The following GABRG3 variants were observed in gnomAD, a reference collection of about 807,000 sequenced individuals.
GABRG3 encodes gamma-aminobutyric acid receptor subunit gamma-3.
GABRG3 carries 25 observed loss-of-function variants against 48.8 expected under a neutral mutation model. That is an observed-to-expected ratio of 0.51 (90% CI 0.37 to 0.72). The LOEUF is 0.72. Ranked by LOEUF, GABRG3 falls within the 30% of genes least tolerant of loss-of-function variation. GABRG3 has a pLI of 0.00. For missense variants in GABRG3, 394 were observed against 577.9 expected (o/e 0.68, Z 3.26); for synonymous variants, 227 against 217.6 (o/e 1.04, Z -0.38).
intron 6 of GABRG3, among the ~76,000 whole-genome samples, chr15:27,508,658 C>T (rs1298952730): frequency 6.6e-6 from 1 of 151,986 alleles, no homozygotes; most frequent in African/African-American, 2.4e-5. Context: ...TTGATTAGAT[C>T]TTCTGCCAAT....
chr15:27,420,212 A>G (rs1346288479), intron 5 of GABRG3, among the ~76,000 whole-genome samples: 1 of 152,220 alleles, frequency 6.6e-6, no homozygotes, highest in African/African-American at 2.4e-5. Context: ...GATTTCTCAA[A>G]CACAATGAAA....
At chr15:27,526,991 G>A (rs1259311722) in intron 7 of GABRG3, among the ~76,000 whole-genome samples, 6 of 152,190 alleles carry the variant, frequency 3.9e-5, no homozygotes, top group African/African-American at 7.2e-5. Flanking sequence ...TCAGCTCTGC[G>A]TGGAAGGCAA....
chr15:27,387,876 AG>A, intron 5 of GABRG3, among the ~76,000 whole-genome samples: 1 of 51,048 alleles, frequency 2.0e-5, no homozygotes, highest in Non-Finnish European at 3.7e-5. Flanking sequence ...GGAGGGAGGG[AG>A]GGAGGGGAAG....
intron 5 of GABRG3, among the ~76,000 whole-genome samples, chr15:27,351,795 G>A (rs145847386): frequency 0.011 from 1,599 of 150,356 alleles, 45 homozygotes; most frequent in East Asian, 0.064. Context: ...TATGGTGTCT[G>A]TATATATGAT....
At chr15:27,389,521 G>GAGTGT (rs1304713564) in intron 5 of GABRG3, among the ~76,000 whole-genome samples, 5 of 152,194 alleles carry the variant, frequency 3.3e-5, no homozygotes, top group Admixed American at 6.5e-5. Flanking sequence ...TATGTTGTTG[G>GAGTGT]AGTGTGTGTA....
rs1046379215 is a variant in GABRG3 at position 27,541,453 on chromosome 15, G to A, written c.*8572G>A. 1 of 152,304 alleles carries A rather than the reference G, an allele frequency of 6.6e-6. No homozygotes were observed. The highest frequency in any genetic ancestry group is 1.5e-5 in the Non-Finnish European group (1 of 68,126). 9.4% of individuals were successfully genotyped at this position (152,304 alleles called of 1,614,324 possible). A position where few individuals can be genotyped will look rare whatever the true frequency, so the allele number is the denominator to read the frequency against. ...CCCAGGCAGGAAGGGAAGGAGAGAG[G>A]CGCGGACTGCTCTCTGTTCCCATGG... On this transcript the variant is annotated 3_prime_UTR_variant, in exon 10 of 10. Coordinates refer to ENST00000615808, the MANE Select transcript of GABRG3 (RefSeq NM_033223.5).
chr15:27,141,685 A>G (rs1439100582), intron 3 of GABRG3, among the ~76,000 whole-genome samples: 1 of 152,192 alleles, frequency 6.6e-6, no homozygotes, highest in Non-Finnish European at 1.5e-5. Context: ...TATTTACCAT[A>G]AAGTATTTAA....
chr15:27,180,094 T>G lies in GABRG3; in HGVS notation c.271-146715T>G, dbSNP rs550082372. 4.7e-4 allele frequency among the ~76,000 whole-genome samples: 72 copies of G among 152,254 alleles called. No homozygotes were observed. The highest frequency in any genetic ancestry group is 1.5e-3 in the African/African-American group (62 of 41,544). On this transcript the variant is annotated intron_variant, in intron 3 of 9. Transcript: ENST00000615808. The surrounding 1 kb of genome is among the most constrained non-coding windows in gnomAD (Gnocchi z 4.2). Reference sequence around the variant, plus strand: ...AGTCTTGGCCTTCCCCAGGAGACTGTGGGGCTCGTTGCACTTGTTTTACCA... The same window carrying G: ...AGTCTTGGCCTTCCCCAGGAGACTGGGGGGCTCGTTGCACTTGTTTTACCA...
chr15:27,050,350 C>T (rs1896436591), intron 3 of GABRG3, among the ~76,000 whole-genome samples: 1 of 152,162 alleles, frequency 6.6e-6, no homozygotes, highest in Non-Finnish European at 1.5e-5. Context: ...ACTGCATTCT[C>T]CCCTGCTTCC....
chr15:27,309,088 T>C (rs776366432), intron 3 of GABRG3, among the ~76,000 whole-genome samples: 13 of 151,094 alleles, frequency 8.6e-5, no homozygotes, highest in Non-Finnish European at 1.6e-4. Flanking sequence ...TATATAGAAA[T>C]ATAATGTAAA....
chr15:27,386,510 T>A (rs992728857), intron 5 of GABRG3, among the ~76,000 whole-genome samples: 2 of 152,146 alleles, frequency 1.3e-5, no homozygotes, highest in Non-Finnish European at 2.9e-5. Flanking sequence ...CTATATTGTT[T>A]GAACAATAAC....
At chr15:27,111,430 A>G (rs1255450405) in intron 3 of GABRG3, among the ~76,000 whole-genome samples, 1 of 152,048 alleles carries the variant, frequency 6.6e-6, no homozygotes, top group Non-Finnish European at 1.5e-5. Context: ...TTGCCTATTG[A>G]TGTGCCTTGT....
intron 5 of GABRG3, among the ~76,000 whole-genome samples, chr15:27,392,150 A>T (rs1887152527): frequency 6.6e-6 from 1 of 152,208 alleles, no homozygotes; most frequent in Admixed American, 6.5e-5. Context: ...TCTTACATTT[A>T]GTACCATACA....
intron 2 of GABRG3, among the ~76,000 whole-genome samples, chr15:26,998,497 G>C (rs189722775): frequency 6.6e-6 from 1 of 152,154 alleles, no homozygotes; most frequent in East Asian, 1.9e-4. Context: ...ATCTTGGCTT[G>C]TTCTTTCTGG....
At chr15:27,202,157 A>G (rs993312205) in intron 3 of GABRG3, among the ~76,000 whole-genome samples, 1 of 152,170 alleles carries the variant, frequency 6.6e-6, no homozygotes, top group African/African-American at 2.4e-5. Flanking sequence ...ATACCCTTTC[A>G]TACATTTCTC....
intron 5 of GABRG3, among the ~76,000 whole-genome samples, chr15:27,402,700 C>T (rs1278831844): frequency 6.6e-6 from 1 of 152,222 alleles, no homozygotes; most frequent in Non-Finnish European, 1.5e-5. Flanking sequence ...CCAAAATATT[C>T]TTGTCTTAAG....
intron 2 of GABRG3, among the ~76,000 whole-genome samples, chr15:27,026,545 G>A (rs1895986355): frequency 6.6e-6 from 1 of 152,192 alleles, no homozygotes; most frequent in African/African-American, 2.4e-5. Flanking sequence ...AAAGATACAA[G>A]TAAGAATCTC....
At chr15:27,097,254 G>C (rs1897280846) in intron 3 of GABRG3, among the ~76,000 whole-genome samples, 1 of 152,012 alleles carries the variant, frequency 6.6e-6, no homozygotes, top group Non-Finnish European at 1.5e-5. Flanking sequence ...GAAATGGAAA[G>C]GCAGAGGAAG....
chr15:27,497,876 C>T (rs1890525434), intron 6 of GABRG3, among the ~76,000 whole-genome samples: 1 of 152,156 alleles, frequency 6.6e-6, no homozygotes, highest in Non-Finnish European at 1.5e-5. Flanking sequence ...ATTGAAACTT[C>T]ACCATTGTTT....
Sources: allele counts gnomAD v4.1 joint callset (sites outside exome capture counted in the v4.1 genomes callset), GRCh38; gene constraint gnomAD v4.1.1; non-coding constraint Gnocchi (gnomAD v3.1); transcripts MANE v1.5; gene names NCBI Gene and HGNC (gene_info 2026-07-23, HGNC 2026-07-21).